The following CDKL4 variants were observed in gnomAD, a reference collection of about 807,000 sequenced individuals.
CDKL4 encodes cyclin-dependent kinase-like 4.
In CDKL4, 44 loss-of-function variants were observed where a neutral mutation model predicts 42.0. The observed-to-expected ratio is 1.05, with a 90% CI of 0.82 to 1.35. The LOEUF (loss-of-function observed/expected upper bound fraction) is 1.35. Ranked by LOEUF, CDKL4 falls within the 40% of genes most tolerant of loss-of-function variation. The probability of loss-of-function intolerance (pLI) is 0.00; values close to 1 mark genes in which losing one functional copy is unlikely to be tolerated. For synonymous variants in CDKL4, 120 were observed against 121.6 expected (o/e 0.99, Z 0.09); for missense variants, 393 against 369.9 (o/e 1.06, Z -0.51).
chr2:39,174,558 G>T (rs1162251948), downstream of CDKL4, among the ~76,000 whole-genome samples: 1 of 152,164 alleles, frequency 6.6e-6, no homozygotes, highest in Non-Finnish European at 1.5e-5. Context: ...ATATTATCAT[G>T]TTTCTTCAAC....
downstream of CDKL4, among the ~76,000 whole-genome samples, chr2:39,172,041 T>C (rs149292850): frequency 4.0e-3 from 609 of 152,164 alleles, 7 homozygotes; most frequent in African/African-American, 0.014. Flanking sequence ...CTGGGCATGG[T>C]GGTTCATGAT....
At chr2:39,227,772 C>T (rs1678845559) in intron 2 of CDKL4, among the ~76,000 whole-genome samples, 1 of 152,182 alleles carries the variant, frequency 6.6e-6, no homozygotes, top group Admixed American at 6.5e-5. Context: ...CAGTTTGATG[C>T]AATGTCAAGG....
chr2:39,192,206 G>A (rs554766429), intron 5 of CDKL4, among the ~76,000 whole-genome samples: 12 of 152,006 alleles, frequency 7.9e-5, no homozygotes, highest in Non-Finnish European at 1.5e-4. Flanking sequence ...AACATTTTTC[G>A]ACTTAAAAGT....
downstream of CDKL4, among the ~76,000 whole-genome samples, chr2:39,174,526 G>T (rs1230797890): frequency 6.6e-6 from 1 of 152,158 alleles, no homozygotes; most frequent in Non-Finnish European, 1.5e-5. Flanking sequence ...AAGTGCGGAA[G>T]ACTTTTAGAC....
chr2:39,170,822 T>C (rs138226554), downstream of CDKL4, among the ~76,000 whole-genome samples: 362 of 152,258 alleles, frequency 2.4e-3, 1 homozygote, highest in Non-Finnish European at 3.8e-3. Flanking sequence ...TGGTAGTTTT[T>C]AATTAAAAAA....
chr2:39,176,717 G>C (rs1299341225), intron 9 of CDKL4, among the ~76,000 whole-genome samples: 1 of 152,124 alleles, frequency 6.6e-6, no homozygotes, highest in African/African-American at 2.4e-5. Flanking sequence ...TACAGGTGTG[G>C]GCCACCCACC....
chr2:39,202,837 A>G (rs1240897388), intron 5 of CDKL4, among the ~76,000 whole-genome samples: 1 of 152,174 alleles, frequency 6.6e-6, no homozygotes, highest in Non-Finnish European at 1.5e-5. Context: ...TGCCTTTCTC[A>G]TTATAAATGG....
chr2:39,208,041 G>A (rs1677314643), intron 4 of CDKL4, among the ~76,000 whole-genome samples: 2 of 152,154 alleles, frequency 1.3e-5, no homozygotes, highest in Admixed American at 6.5e-5. Context: ...GGCAGAGGTT[G>A]CAGTGAGCTG....
intron 1 of CDKL4, among the ~76,000 whole-genome samples, 74 bp downstream of exon 1, chr2:39,243,795 CTA>C (rs1679783162): frequency 6.6e-6 from 1 of 152,212 alleles, no homozygotes; most frequent in African/African-American, 2.4e-5. Flanking sequence ...GATCCGCAGT[CTA>C]GACCTCGCGG....
upstream of CDKL4, among the ~76,000 whole-genome samples, chr2:39,245,084 A>C (rs1332707463): frequency 6.6e-6 from 1 of 152,192 alleles, no homozygotes; most frequent in East Asian, 1.9e-4. Flanking sequence ...AGAGAATAAA[A>C]GCCGGCTGCA....
At chr2:39,178,753 G>C (rs759488285) in intron 9 of CDKL4, 36 of 1,601,458 alleles carry the variant, frequency 2.2e-5, no homozygotes, top group Non-Finnish European at 3.1e-5. Context: ...GCAGACTTAG[G>C]TGCCTGCTGT....
intron 9 of CDKL4, chr2:39,178,396 A>T (rs776953908): frequency 9.5e-6 from 6 of 632,380 alleles, no homozygotes; most frequent in Non-Finnish European, 1.6e-5. Context: ...TGAATTGGAA[A>T]TTACCAACTC....
At chr2:39,203,239 A>G (rs1567424) in intron 5 of CDKL4, among the ~76,000 whole-genome samples, 6,580 of 152,336 alleles carry the variant, frequency 0.043, 508 homozygotes, top group African/African-American at 0.15. Flanking sequence ...ATATTCATGA[A>G]AAATTAAAAA....
exon 9 of CDKL4, chr2:39,179,238 G>A: frequency 6.2e-7 from 1 of 1,613,060 alleles, no homozygotes; most frequent in South Asian, 1.1e-5. Flanking sequence ...TTTTAATTTG[G>A]GCCTCTTGAA....
chr2:39,196,509 A>C (rs954837286), intron 5 of CDKL4, among the ~76,000 whole-genome samples: 4 of 152,210 alleles, frequency 2.6e-5, no homozygotes, highest in Non-Finnish European at 5.9e-5. Context: ...GGGACAAAAG[A>C]ATCTGAACAG....
intron 2 of CDKL4, among the ~76,000 whole-genome samples, chr2:39,228,318 C>T (rs1396302360): frequency 1.3e-5 from 2 of 152,036 alleles, no homozygotes; most frequent in South Asian, 4.2e-4. Context: ...TTTTTTTTAT[C>T]ATGATGGATG....
chr2:39,230,174 G>A (rs1327161249), intron 1 of CDKL4, among the ~76,000 whole-genome samples: 2 of 152,232 alleles, frequency 1.3e-5, no homozygotes, highest in Admixed American at 6.5e-5. Flanking sequence ...GAGGTTGGGA[G>A]TTCAAGACCA....
intron 8 of CDKL4, among the ~76,000 whole-genome samples, chr2:39,182,686 T>C (rs1024334019): frequency 6.6e-6 from 1 of 152,244 alleles, no homozygotes; most frequent in Non-Finnish European, 1.5e-5. Flanking sequence ...AACGCTCTGA[T>C]AAAATTTCTA....
chr2:39,221,001 G>GTTTTTTTTTTTTTTTTTTTTTTTTTTTTT (rs1678311355), intron 3 of CDKL4, among the ~76,000 whole-genome samples: 1 of 78,804 alleles, frequency 1.3e-5, no homozygotes, highest in Non-Finnish European at 2.3e-5. Context: ...TTTTTTTTTT[G>GTTTTTTTTTTTTTTTTTTTTTTTTTTTTT]TTTTTTTTTT....
Sources: allele counts gnomAD v4.1 joint callset (sites outside exome capture counted in the v4.1 genomes callset), GRCh38; gene constraint gnomAD v4.1.1; transcripts MANE v1.5; gene names NCBI Gene and HGNC (gene_info 2026-07-23, HGNC 2026-07-21).